Variants in DOCK4 observed in about 807,000 individuals in gnomAD.
DOCK4 encodes the protein dedicator of cytokinesis protein 4.
Under a neutral mutation model 268.1 loss-of-function variants are expected in DOCK4, and 97 were observed. The ratio of observed to expected loss-of-function variants is 0.36; its 90% CI spans 0.31 to 0.43. The LOEUF (loss-of-function observed/expected upper bound fraction) is 0.43, where lower values mean the gene tolerates loss of function less well. Among genes scored for constraint, DOCK4 ranks in the 20% least tolerant of loss-of-function variants. The pLI, the probability that DOCK4 is intolerant of heterozygous loss-of-function variation, is 1.00. For missense variants in DOCK4, 2,145 were observed against 2,455.7 expected, an observed-to-expected ratio of 0.87 and a Z score of 2.67; for synonymous variants, 954 against 887.2, an observed-to-expected ratio of 1.08 and a Z score of -1.34.
chr7:111,809,529 T>G, intron 28 of DOCK4, 128 bp from the exon 29 acceptor site: 1 of 682,038 alleles, frequency 1.5e-6, no homozygotes, highest in South Asian at 1.8e-5. Context: ...GACCATGAGT[T>G]GATAATAGTT....
chr7:112,071,743 G>A (rs1807600869), intron 1 of DOCK4, among the ~76,000 whole-genome samples: 2 of 152,164 alleles, frequency 1.3e-5, no homozygotes, highest in African/African-American at 4.8e-5. Flanking sequence ...TTATTTGGAT[G>A]TCCTTGCCTT....
intron 8 of DOCK4, among the ~76,000 whole-genome samples, chr7:111,946,388 TG>T (rs1474230752): frequency 6.6e-6 from 1 of 152,140 alleles, no homozygotes; most frequent in Non-Finnish European, 1.5e-5. Flanking sequence ...GGAGCTGCGG[TG>T]GCTCAGAACT....
At chr7:111,737,516 C>T (rs1795588292) in intron 49 of DOCK4, among the ~76,000 whole-genome samples, 1 of 152,012 alleles carries the variant, frequency 6.6e-6, no homozygotes, top group African/African-American at 2.4e-5. Flanking sequence ...TTCAAAAAAT[C>T]ACTAGTGAGT....
chr7:111,754,314 A>G (rs1796884458), intron 42 of DOCK4, among the ~76,000 whole-genome samples: 1 of 152,226 alleles, frequency 6.6e-6, no homozygotes, highest in Admixed American at 6.5e-5. Context: ...TTAAATCCTT[A>G]GCTTAATTGA....
chr7:111,998,197 G>C (rs541506183), intron 4 of DOCK4, among the ~76,000 whole-genome samples: 1 of 152,124 alleles, frequency 6.6e-6, no homozygotes, highest in Non-Finnish European at 1.5e-5. Flanking sequence ...CTCAAGCATA[G>C]GCTGATTCCC....
intron 51 of DOCK4, among the ~76,000 whole-genome samples, chr7:111,733,098 T>A (rs1795217235): frequency 6.6e-6 from 1 of 152,160 alleles, no homozygotes; most frequent in South Asian, 2.1e-4. Context: ...CATTTCTCAA[T>A]TCCACAGAGA....
intron 16 of DOCK4, among the ~76,000 whole-genome samples, chr7:111,891,672 C>A (rs1808299782): frequency 6.6e-6 from 1 of 152,170 alleles, no homozygotes; most frequent in South Asian, 2.1e-4. Context: ...TGCCAAACTG[C>A]CCTCCAGAAA....
At chr7:111,771,254 C>A (rs1585934253) in intron 36 of DOCK4, among the ~76,000 whole-genome samples, 1 of 152,314 alleles carries the variant, frequency 6.6e-6, no homozygotes, top group South Asian at 2.1e-4. Context: ...AAAGAGCCCA[C>A]CTCCATCTCT....
At chr7:112,205,591 C>T (rs535581607) in intron 1 of DOCK4, among the ~76,000 whole-genome samples, 2 of 152,150 alleles carry the variant, frequency 1.3e-5, no homozygotes, top group African/African-American at 4.8e-5. Flanking sequence ...ATTCCACACT[C>T]CGGGAATGTC....
chr7:111,945,653 C>T, intron 9 of DOCK4, 64 bp downstream of exon 9: 1 of 1,355,786 alleles, frequency 7.4e-7, no homozygotes, highest in Non-Finnish European at 1.0e-6. Context: ...TAATTTATTT[C>T]TCCTAAATAG....
At chr7:112,140,344 C>T (rs946090734) in intron 1 of DOCK4, among the ~76,000 whole-genome samples, 1 of 152,138 alleles carries the variant, frequency 6.6e-6, no homozygotes, top group African/African-American at 2.4e-5. Flanking sequence ...CCAGACCACA[C>T]CCAGAGCTGA....
chr7:111,881,365 A>G (rs1188823089), intron 16 of DOCK4, among the ~76,000 whole-genome samples: 2 of 152,226 alleles, frequency 1.3e-5, no homozygotes, highest in Non-Finnish European at 2.9e-5. Context: ...AATCAAAACT[A>G]CAACGAGATA....
chr7:111,938,852 G>A (rs1333261907), intron 11 of DOCK4, among the ~76,000 whole-genome samples: 3 of 151,984 alleles, frequency 2.0e-5, no homozygotes, highest in Non-Finnish European at 2.9e-5. Context: ...GCATGCGCCT[G>A]TAATCCCAGC....
chr7:112,161,658 G>T (rs1379303659), intron 1 of DOCK4, among the ~76,000 whole-genome samples: 1 of 152,190 alleles, frequency 6.6e-6, no homozygotes, highest in East Asian at 1.9e-4. Flanking sequence ...TTTATGTGAT[G>T]TCAGAGATGC....
At chr7:112,123,745 A>T (rs1399311045) in intron 1 of DOCK4, among the ~76,000 whole-genome samples, 2 of 152,212 alleles carry the variant, frequency 1.3e-5, no homozygotes, top group East Asian at 3.8e-4. Flanking sequence ...CTTCTGTCAC[A>T]TTCTTCTGCT....
intron 23 of DOCK4, among the ~76,000 whole-genome samples, chr7:111,861,206 G>C (rs1805480693): frequency 6.6e-6 from 1 of 152,138 alleles, no homozygotes; most frequent in South Asian, 2.1e-4. Flanking sequence ...CTGAGCAGCA[G>C]AGTTGGAAAA....
intron 31 of DOCK4, chr7:111,789,222 G>A (rs1799372530): frequency 5.8e-6 from 1 of 171,800 alleles, no homozygotes; most frequent in Admixed American, 5.5e-5. Context: ...CTGAAGTTGA[G>A]AACTTGCCTT....
chr7:111,869,325 C>A, intron 21 of DOCK4: 1 of 435,608 alleles, frequency 2.3e-6, no homozygotes, highest in South Asian at 2.2e-5. Context: ...TCTTAGACTT[C>A]ACTTCAAGTA....
rs551476054 is a variant in DOCK4 at position 111,871,081 on chromosome 7, C to G, written c.2027+909G>C. Among the ~76,000 whole-genome samples, 2 of 152,302 alleles carry G rather than the reference C, an allele frequency of 1.3e-5. 1 individual carries two copies. The highest frequency in any genetic ancestry group is 4.8e-5 in the African/African-American group (2 of 41,570). On this transcript the variant is annotated intron_variant, in intron 20 of 52. Transcript: ENST00000428084. ...CTGGGAATATCCAAGTAAACAGGAT[C>G]AAATGCTTATCTGATAACCTATTAA...
Sources: gnomAD v4.1 joint callset for allele counts (sites outside exome capture counted in the v4.1 genomes callset) on GRCh38, gnomAD v4.1.1 for gene constraint, MANE v1.5 for transcripts, NCBI Gene and HGNC (gene_info 2026-07-23, HGNC 2026-07-21) for gene names.